SNTG1: variants seen among roughly 807,000 people sequenced by gnomAD.
SNTG1 encodes the protein gamma-1-syntrophin.
Under a neutral mutation model 74.7 loss-of-function variants are expected in SNTG1, and 39 were observed. That is an observed-to-expected ratio of 0.52 (90% confidence interval 0.40 to 0.68). SNTG1 has a LOEUF of 0.68. Ranked by LOEUF, SNTG1 falls within the 30% of genes least tolerant of loss-of-function variation. The pLI is 0.00. For synonymous variants in SNTG1, 254 were observed against 217.1 expected, an observed-to-expected ratio of 1.17 and a Z score of -1.49; for missense variants, 685 against 609.5, an observed-to-expected ratio of 1.12 and a Z score of -1.30.
chr8:50,163,992 A>G (rs2082520753), intron 1 of SNTG1: 1 of 149,030 alleles, frequency 6.7e-6, no homozygotes, highest in African/African-American at 2.5e-5. Context: ...ACTGAAATCT[A>G]TGGGTTTGAT....
chr8:50,506,744 C>T (rs2094010157), intron 9 of SNTG1, among the ~76,000 whole-genome samples: 1 of 151,914 alleles, frequency 6.6e-6, no homozygotes, highest in South Asian at 2.1e-4. Flanking sequence ...CATATAAGCT[C>T]ATATCTGCAA....
At chr8:50,176,603 G>A (rs2083008404) in intron 2 of SNTG1, among the ~76,000 whole-genome samples, 1 of 152,144 alleles carries the variant, frequency 6.6e-6, no homozygotes, top group Non-Finnish European at 1.5e-5. Context: ...AGAGTGACTT[G>A]CATTTGTTTG....
At chr8:50,665,951 C>CT (rs1282496961) in intron 15 of SNTG1, among the ~76,000 whole-genome samples, 5 of 152,064 alleles carry the variant, frequency 3.3e-5, no homozygotes, top group Non-Finnish European at 5.9e-5. Context: ...ACAGCATTGC[C>CT]TTAACAAATT....
At chr8:50,345,456 C>A (rs1241996179) in intron 2 of SNTG1, among the ~76,000 whole-genome samples, 3 of 151,826 alleles carry the variant, frequency 2.0e-5, no homozygotes, top group Non-Finnish European at 3.0e-5. Flanking sequence ...TTTACTCTGT[C>A]TTCTGCATTT....
At chr8:50,729,400 A>G (rs1480320428) in intron 17 of SNTG1, among the ~76,000 whole-genome samples, 1 of 152,230 alleles carries the variant, frequency 6.6e-6, no homozygotes, top group East Asian at 1.9e-4. Flanking sequence ...ACTTTTCTCC[A>G]GAGACCAAAG....
At chr8:50,284,303 A>C (rs1414762925) in intron 2 of SNTG1, among the ~76,000 whole-genome samples, 17 of 151,996 alleles carry the variant, frequency 1.1e-4, no homozygotes, top group Non-Finnish European at 1.9e-4. Context: ...GATTTTTCTT[A>C]TGAATAGATT....
chr8:50,472,720 G>C (rs2093662970), intron 8 of SNTG1, among the ~76,000 whole-genome samples: 1 of 152,034 alleles, frequency 6.6e-6, no homozygotes, highest in Non-Finnish European at 1.5e-5. Context: ...ACAGTCAAGA[G>C]AGTGAAAAAG....
chr8:50,768,003 C>T (rs953823166), intron 18 of SNTG1, among the ~76,000 whole-genome samples: 15 of 152,046 alleles, frequency 9.9e-5, no homozygotes, highest in South Asian at 6.2e-4. Flanking sequence ...GAAAGTCATG[C>T]TAGTGCATTT....
Position 50,658,641 on chromosome 8 carries a change from A to T in SNTG1, c.1016A>T (p.Glu339Val). Residue 339 changes from glutamate to valine, a missense_variant, in exon 15 of 19, where the codon GAG (glutamate) becomes GTG (valine). Glu to Val is a moderately radical substitution (Grantham distance 121). Coordinates refer to ENST00000642720, the MANE Select transcript of SNTG1 (RefSeq NM_018967.5). The stretch of plus-strand genomic sequence containing the variant: ...GCAGAGAAAACATTCTCAGTTTATG[A>T]GATTATGTGCAAGATCCTCAAGGTA... ...TRAEKTFSVY[E>V]IMCKILKDSD... 1.2e-6 allele frequency: 2 copies of T among 1,610,666 alleles called. No individual in the cohort carries two copies. The highest frequency in any genetic ancestry group is 1.7e-6 in the Non-Finnish European group (2 of 1,177,664).
chr8:50,774,977 A>T (rs2131802127), intron 18 of SNTG1, among the ~76,000 whole-genome samples: 1 of 150,780 alleles, frequency 6.6e-6, no homozygotes, highest in African/African-American at 2.4e-5. Flanking sequence ...TGTAGTATAT[A>T]CTTATATATA....
chr8:50,287,984 T>G (rs1213307691), intron 2 of SNTG1, among the ~76,000 whole-genome samples: 5 of 152,216 alleles, frequency 3.3e-5, no homozygotes, highest in Non-Finnish European at 7.3e-5. Context: ...CTTTCTGCTA[T>G]TCCTCTGTTT....
intron 17 of SNTG1, among the ~76,000 whole-genome samples, chr8:50,723,316 G>A (rs752184381): frequency 4.0e-5 from 6 of 151,882 alleles, no homozygotes; most frequent in South Asian, 4.2e-4. Flanking sequence ...CTCTCCTTTC[G>A]ACTTGATCTC....
intron 1 of SNTG1, among the ~76,000 whole-genome samples, chr8:49,991,327 C>T (rs1029579604): frequency 1.2e-4 from 18 of 152,142 alleles, no homozygotes; most frequent in Admixed American, 4.6e-4. Context: ...ATTGGAGCCC[C>T]GATGCAAGGC....
At chr8:50,435,274 T>C (rs1461594670) in intron 4 of SNTG1, among the ~76,000 whole-genome samples, 1 of 152,152 alleles carries the variant, frequency 6.6e-6, no homozygotes, top group Non-Finnish European at 1.5e-5. Context: ...TGAAACTGTA[T>C]AGGAGCATCA....
chr8:50,646,770 A>G (rs1022306355), intron 13 of SNTG1, among the ~76,000 whole-genome samples: 4 of 152,184 alleles, frequency 2.6e-5, no homozygotes, highest in Non-Finnish European at 5.9e-5. Flanking sequence ...CACCATACTG[A>G]AGTAGAAGAG....
rs6981370 is a variant in SNTG1, at chr8:50,612,753, T to C, written c.849+21836T>C. On this transcript the variant is annotated intron_variant, in intron 13 of 18. Coordinates refer to ENST00000642720, the MANE Select transcript of SNTG1 (RefSeq NM_018967.5). ...CTGATTAAATAGAAGTCCAAGTAGG[T>C]GAATTTTTCAGGACGTAAGAGCAAT... 9.6e-3 allele frequency among the ~76,000 whole-genome samples: 1,463 copies of C among 152,266 alleles called. 28 individuals carry two copies. Among genetic ancestry groups the C allele is most frequent in the African/African-American group, 0.034 (1,408 of 41,542 alleles).
chr8:50,085,708 CATT>C (rs1158314236), intron 1 of SNTG1, among the ~76,000 whole-genome samples: 18 of 152,168 alleles, frequency 1.2e-4, no homozygotes, highest in African/African-American at 4.3e-4. Context: ...GAATGTAAAT[CATT>C]ATTTTTCATC....
chr8:50,126,478 A>AT (rs2081143245), intron 1 of SNTG1, among the ~76,000 whole-genome samples: 1 of 152,172 alleles, frequency 6.6e-6, no homozygotes, highest in Admixed American at 6.6e-5. Flanking sequence ...ATTAGTGTGC[A>AT]TTTTTTTCAA....
intron 1 of SNTG1, among the ~76,000 whole-genome samples, chr8:50,042,677 C>G (rs1485587389): frequency 2.0e-5 from 3 of 152,038 alleles, no homozygotes; most frequent in Admixed American, 6.5e-5. Context: ...CTAGCCCAGC[C>G]TCTCAAGTAG....
Sources: allele counts gnomAD v4.1 joint callset (sites outside exome capture counted in the v4.1 genomes callset), GRCh38; gene constraint gnomAD v4.1.1; transcripts MANE v1.5; gene names NCBI Gene and HGNC (gene_info 2026-07-23, HGNC 2026-07-21).